MS4A13: variants seen among roughly 807,000 people sequenced by gnomAD.
MS4A13 encodes the protein membrane-spanning 4-domains subfamily A member 13.
In MS4A13, 21 loss-of-function variants were observed where a neutral mutation model predicts 18.4. That is an observed-to-expected ratio of 1.14 (90% confidence interval 0.81 to 1.64). The LOEUF (loss-of-function observed/expected upper bound fraction) is 1.64, where lower values mean the gene tolerates loss of function less well. Among genes scored for constraint, MS4A13 ranks in the 40% most tolerant of loss-of-function variants. The probability of loss-of-function intolerance (pLI) is 0.00; values close to 1 mark genes in which losing one functional copy is unlikely to be tolerated. For synonymous variants in MS4A13, 62 were observed against 57.2 expected (o/e 1.08, Z -0.38); for missense variants, 173 against 176.8 (o/e 0.98, Z 0.12).
At chr11:60,521,850 G>C (rs1328881617) in intron 3 of MS4A13, among the ~76,000 whole-genome samples, 4 of 152,254 alleles carry the variant, frequency 2.6e-5, no homozygotes, top group Middle Eastern at 6.8e-3. Flanking sequence ...TGCTAATAAA[G>C]ACATACCTGA....
intron 6 of MS4A13, among the ~76,000 whole-genome samples, chr11:60,531,059 C>T (rs1305522990): frequency 6.6e-6 from 1 of 152,132 alleles, no homozygotes; most frequent in African/African-American, 2.4e-5. Context: ...TGAAAACAGA[C>T]TAATATACTA....
chr11:60,538,201 A>G (rs928653005), intron 6 of MS4A13, among the ~76,000 whole-genome samples: 1 of 151,736 alleles, frequency 6.6e-6, no homozygotes, highest in Admixed American at 6.6e-5. Context: ...ACGAAAAAAA[A>G]AAACAAAGTT....
Position 60,542,583 on chromosome 11 carries a change from A to G in MS4A13, c.*8A>G, listed in dbSNP as rs1280363656. On this transcript the variant is annotated 3_prime_UTR_variant, in exon 7 of 7. Transcript: ENST00000378186. ...GCTGAGAGCACTCCTTAAAAACCCT[A>G]GAAATATGAGAATTTTGCTGTTGCT... is the stretch of plus-strand genomic sequence containing the variant. The G allele has an allele frequency of 9.4e-6, 15 of 1,595,058 alleles. No individual in the cohort carries two copies. The East Asian group carries it at 3.4e-4, about 36-fold the overall frequency.
At chr11:60,540,799 A>G (rs2135273858) in intron 6 of MS4A13, among the ~76,000 whole-genome samples, 1 of 152,110 alleles carries the variant, frequency 6.6e-6, no homozygotes, top group Admixed American at 6.5e-5. Context: ...AGTAAAAATA[A>G]AAACACTAGC....
At chr11:60,530,453 C>T (rs887380278) in intron 6 of MS4A13, among the ~76,000 whole-genome samples, 2 of 152,162 alleles carry the variant, frequency 1.3e-5, no homozygotes, top group Non-Finnish European at 2.9e-5. Flanking sequence ...AAAAGGATTT[C>T]TGAAGAGAGG....
chr11:60,522,464 G>A (rs1299671187), intron 3 of MS4A13, among the ~76,000 whole-genome samples: 1 of 151,976 alleles, frequency 6.6e-6, no homozygotes, highest in Non-Finnish European at 1.5e-5. Context: ...AGAAAGAATG[G>A]TTGGATAGCA....
chr11:60,539,381 AC>A (rs2086838183), intron 6 of MS4A13, among the ~76,000 whole-genome samples: 1 of 152,010 alleles, frequency 6.6e-6, no homozygotes, highest in Non-Finnish European at 1.5e-5. Context: ...AGGTGAGCTG[AC>A]AAAAAACAAA....
intron 6 of MS4A13, 96 bp downstream of exon 6, chr11:60,529,556 G>A: frequency 1.8e-6 from 1 of 543,000 alleles, no homozygotes. Flanking sequence ...AAAATATTTA[G>A]AACTAATATA....
Position 60,525,282 on chromosome 11 carries a change from T to C in MS4A13, c.262T>C (p.Leu88=), listed in dbSNP as rs1056622371. The C allele has an allele frequency of 1.1e-5, 17 of 1,590,014 alleles. No individual in the cohort carries two copies. The highest frequency in any genetic ancestry group is 1.4e-5 in the Non-Finnish European group (16 of 1,160,782). ...TGCAGTAACTCTAACAATAATAGAG[T>C]TGTCTCATTTTAATTCTGTGTCATA... The part of the protein sequence containing the change: ...ITAVTLTIIE[L]SHFNSVSYRN... The change falls in exon 5 of 7, where the codon TTG becomes CTG. Residue 88 remains leucine (L), a synonymous_variant. Transcript: ENST00000378186.
At chr11:60,526,012 A>C (rs1246627549) in intron 5 of MS4A13, among the ~76,000 whole-genome samples, 1 of 152,112 alleles carries the variant, frequency 6.6e-6, no homozygotes, top group Non-Finnish European at 1.5e-5. Context: ...CCAACAGAAC[A>C]AAACAAATAA....
intron 3 of MS4A13, among the ~76,000 whole-genome samples, chr11:60,522,166 A>G (rs561466258): frequency 6.6e-6 from 1 of 151,798 alleles, no homozygotes; most frequent in South Asian, 2.1e-4. Flanking sequence ...TTGGGTGGGG[A>G]CACAGAGCCA....
intron 6 of MS4A13, among the ~76,000 whole-genome samples, chr11:60,541,608 GA>G (rs1179521722): frequency 6.6e-6 from 1 of 151,786 alleles, no homozygotes; most frequent in Non-Finnish European, 1.5e-5. Flanking sequence ...CATGAAACTA[GA>G]AAAAAAATTG....
chr11:60,518,316 A>C, intron 3 of MS4A13, 104 bp downstream of exon 3: 1 of 847,408 alleles, frequency 1.2e-6, no homozygotes, highest in Middle Eastern at 3.8e-4. Context: ...CAGGAGAATT[A>C]TGTAACTAAA....
At chr11:60,525,403 G>A (rs59640459) in intron 5 of MS4A13, 77 bp downstream of exon 5, 3 of 1,007,308 alleles carry the variant, frequency 3.0e-6, no homozygotes, top group African/African-American at 1.7e-5. Context: ...TAGGAGGTAA[G>A]ATGAGGCTTT....
intron 5 of MS4A13, among the ~76,000 whole-genome samples, chr11:60,527,430 G>GTA (rs2086726760): frequency 1.3e-5 from 2 of 150,044 alleles, no homozygotes; most frequent in East Asian, 3.9e-4. Context: ...GTGTGTGTGT[G>GTA]TGTGTGTGTG....
chr11:60,529,287 C>A, intron 5 of MS4A13, 78 bp from the exon 6 acceptor site: 1 of 306,238 alleles, frequency 3.3e-6, no homozygotes, highest in Non-Finnish European at 6.1e-6. Flanking sequence ...ACTCTCATAC[C>A]AGTAGCTCCT....
intron 3 of MS4A13, among the ~76,000 whole-genome samples, chr11:60,520,190 A>T (rs2086664468): frequency 6.6e-6 from 1 of 152,126 alleles, no homozygotes; most frequent in Non-Finnish European, 1.5e-5. Flanking sequence ...AGTCATTCCC[A>T]TGCTGTTCTC....
At chr11:60,522,414 A>C (rs1276755069) in intron 3 of MS4A13, among the ~76,000 whole-genome samples, 1 of 152,106 alleles carries the variant, frequency 6.6e-6, no homozygotes, top group African/African-American at 2.4e-5. Flanking sequence ...CATGAAGGAT[A>C]GTGAGTTATA....
In MS4A13 at chr11:60,533,316, G is replaced by C. The variant is rs1408409900; in HGVS notation, c.402+3856G>C. ...GTATAACTAGAATAACCAATACAGA[G>C]AAGTGCTTAAAGGAGCTGATGGAGC... On this transcript the variant is annotated intron_variant, in intron 6 of 6. Coordinates refer to ENST00000378186, the MANE Select transcript of MS4A13 (RefSeq NM_001012417.3). 1.4e-4 allele frequency among the ~76,000 whole-genome samples: 16 copies of C among 111,094 alleles called. 1 individual carries two copies. Among genetic ancestry groups the C allele is most frequent in the Non-Finnish European group, 2.6e-4 (14 of 54,318 alleles). 72.9% of individuals were successfully genotyped at this position (111,094 alleles called of 152,430 possible).
Sources: allele counts gnomAD v4.1 joint callset (sites outside exome capture counted in the v4.1 genomes callset), GRCh38; gene constraint gnomAD v4.1.1; transcripts MANE v1.5; gene names NCBI Gene and HGNC (gene_info 2026-07-23, HGNC 2026-07-21).